The following C8orf34 variants were observed in gnomAD, a reference collection of about 807,000 sequenced individuals.
C8orf34 encodes chromosome 8 open reading frame 34.
Under a neutral mutation model 68.3 loss-of-function variants are expected in C8orf34, and 65 were observed. The ratio of observed to expected loss-of-function variants is 0.95; its 90% CI spans 0.78 to 1.17. The LOEUF is 1.17. Ranked by LOEUF, C8orf34 falls within the 50% of genes most tolerant of loss-of-function variation. C8orf34 has a pLI of 0.00. For synonymous variants in C8orf34, 244 were observed against 241.2 expected (o/e 1.01, Z -0.11); for missense variants, 664 against 655.4 (o/e 1.01, Z -0.14).
chr8:68,480,339 C>A (rs2129631016), intron 4 of C8orf34, among the ~76,000 whole-genome samples: 1 of 152,288 alleles, frequency 6.6e-6, no homozygotes, highest in East Asian at 1.9e-4. Context: ...GCCTCTCCAG[C>A]CATGTGGAGA....
chr8:68,766,464 A>G (rs1380543822), intron 10 of C8orf34, among the ~76,000 whole-genome samples: 5 of 152,230 alleles, frequency 3.3e-5, no homozygotes, highest in Non-Finnish European at 7.3e-5. Context: ...GAGAATTTAA[A>G]GGCTTATTTC....
chr8:68,751,169 T>C (rs1389663136), intron 10 of C8orf34, among the ~76,000 whole-genome samples: 1 of 152,148 alleles, frequency 6.6e-6, no homozygotes, highest in Non-Finnish European at 1.5e-5. Flanking sequence ...TGTTTAACGC[T>C]AGTGGACCCC....
At chr8:68,451,553 G>C (rs1422885570) in intron 3 of C8orf34, among the ~76,000 whole-genome samples, 1 of 151,984 alleles carries the variant, frequency 6.6e-6, no homozygotes, top group Non-Finnish European at 1.5e-5. Flanking sequence ...AAATTGTTGT[G>C]TTTCAGGGAA....
chr8:68,463,732 A>C (rs1326239198), intron 3 of C8orf34, among the ~76,000 whole-genome samples: 1 of 152,204 alleles, frequency 6.6e-6, no homozygotes, highest in Non-Finnish European at 1.5e-5. Context: ...CCTTTGAAAA[A>C]ATTCAACAAC....
At chr8:68,419,937 C>T (rs1809877130) in intron 1 of C8orf34, among the ~76,000 whole-genome samples, 1 of 148,034 alleles carries the variant, frequency 6.8e-6, no homozygotes, top group African/African-American at 2.5e-5. Context: ...ATGTAACTAA[C>T]CTGCACATTG....
intron 1 of C8orf34, among the ~76,000 whole-genome samples, chr8:68,374,110 T>C (rs556516640): frequency 6.6e-6 from 1 of 152,278 alleles, no homozygotes; most frequent in African/African-American, 2.4e-5. Context: ...AGATGCAGTC[T>C]CGCTATTTTT....
chr8:68,592,605 T>A (rs1817428221), intron 7 of C8orf34, among the ~76,000 whole-genome samples: 1 of 141,506 alleles, frequency 7.1e-6, no homozygotes, highest in African/African-American at 2.6e-5. Flanking sequence ...TCTTTTTTTT[T>A]TTTTTTTTTT....
intron 8 of C8orf34, among the ~76,000 whole-genome samples, chr8:68,707,572 T>TA (rs35700608): frequency 6.6e-6 from 1 of 152,044 alleles, no homozygotes; most frequent in African/African-American, 2.4e-5. Flanking sequence ...TTTTTAGGTT[T>TA]AAAAAAAATT....
chr8:68,775,624 C>T (rs1347715031), intron 10 of C8orf34, among the ~76,000 whole-genome samples: 1 of 152,014 alleles, frequency 6.6e-6, no homozygotes. Flanking sequence ...ATTGTCTGTC[C>T]TCTATGTAAA....
At chr8:68,803,259 A>T (rs777257176) in intron 12 of C8orf34, among the ~76,000 whole-genome samples, 1 of 151,286 alleles carries the variant, frequency 6.6e-6, no homozygotes, top group Non-Finnish European at 1.5e-5. Context: ...ATTCTAAACA[A>T]ATTGGTACTA....
intron 12 of C8orf34, chr8:68,791,193 G>C: frequency 2.5e-6 from 1 of 397,464 alleles, no homozygotes; most frequent in Non-Finnish European, 4.4e-6. Context: ...CCATGTCTGG[G>C]GAGGCCTCAG....
chr8:68,364,782 A>C (rs547521421), intron 1 of C8orf34, among the ~76,000 whole-genome samples: 38 of 149,226 alleles, frequency 2.5e-4, no homozygotes, highest in Admixed American at 5.3e-4. Context: ...AAATGCCCAC[A>C]AGAGAAAGCA....
At chr8:68,572,220 T>C (rs1317702987) in intron 7 of C8orf34, among the ~76,000 whole-genome samples, 2 of 146,094 alleles carry the variant, frequency 1.4e-5, no homozygotes, top group Non-Finnish European at 3.0e-5. Context: ...GTGGATGTGG[T>C]GCATGACTGT....
intron 5 of C8orf34, among the ~76,000 whole-genome samples, chr8:68,509,748 C>A (rs951076231): frequency 3.3e-5 from 5 of 152,062 alleles, no homozygotes; most frequent in Non-Finnish European, 4.4e-5. Context: ...CTAGCAGATA[C>A]CTGGGGTAAG....
At chr8:68,413,807 A>T (rs912245025) in intron 1 of C8orf34, among the ~76,000 whole-genome samples, 2 of 152,106 alleles carry the variant, frequency 1.3e-5, no homozygotes, top group Non-Finnish European at 1.5e-5. Flanking sequence ...CTTGACCTTT[A>T]TATAGTAGCC....
intron 7 of C8orf34, among the ~76,000 whole-genome samples, chr8:68,624,907 T>C (rs1019397919): frequency 2.0e-5 from 2 of 101,188 alleles, no homozygotes; most frequent in African/African-American, 9.0e-5. Context: ...AGCTAATTTC[T>C]TGCTTTTTTT....
chr8:68,760,583 T>C (rs561891041), intron 10 of C8orf34, among the ~76,000 whole-genome samples: 9 of 152,242 alleles, frequency 5.9e-5, no homozygotes, highest in Non-Finnish European at 1.3e-4. Flanking sequence ...CTAATTTATC[T>C]GAGCATGAGA....
intron 4 of C8orf34, among the ~76,000 whole-genome samples, chr8:68,474,701 CCTGT>C (rs1812526831): frequency 6.6e-6 from 1 of 152,200 alleles, no homozygotes; most frequent in Admixed American, 6.5e-5. Flanking sequence ...CGCTTTCCAT[CCTGT>C]CATTCTACCA....
At chr8:68,781,821 A>T (rs2129528791) in intron 11 of C8orf34, among the ~76,000 whole-genome samples, 1 of 152,208 alleles carries the variant, frequency 6.6e-6, no homozygotes. Flanking sequence ...TTCTTCCCAA[A>T]CTACATATTT....
Sources: allele counts gnomAD v4.1 joint callset (sites outside exome capture counted in the v4.1 genomes callset), GRCh38; gene constraint gnomAD v4.1.1; transcripts MANE v1.5; gene names NCBI Gene and HGNC (gene_info 2026-07-23, HGNC 2026-07-21).